The following LTF variants were observed in gnomAD, a reference collection of about 807,000 sequenced individuals.
The protein encoded by LTF is epididymis luminal protein 110.
LTF carries 91 observed loss-of-function variants against 87.2 expected under a neutral mutation model. The ratio of observed to expected loss-of-function variants is 1.04; its 90% CI spans 0.88 to 1.24. The LOEUF (loss-of-function observed/expected upper bound fraction) is 1.24, where lower values mean the gene tolerates loss of function less well. LTF is among the 50% of genes most tolerant of loss of function. The probability of loss-of-function intolerance (pLI) is 0.00; values close to 1 mark genes in which losing one functional copy is unlikely to be tolerated. For synonymous variants in LTF, 378 were observed against 356.1 expected, an observed-to-expected ratio of 1.06 and a Z score of -0.69; for missense variants, 901 against 904.3, an observed-to-expected ratio of 1.00 and a Z score of 0.05.
In LTF at chr3:46,449,849, C is replaced by T. The variant is rs754938325; in HGVS notation, c.1057+5G>A. The T allele has an allele frequency of 4.3e-6, 7 of 1,613,962 alleles. No individual in the cohort carries two copies. The East Asian group carries it at 1.3e-4, about 31-fold the overall frequency. ...GGACCTCAGGACCCTCCTGGGCTCA[C>T]TCACTTTTCCTCAAGTTCTGGATGG... On this transcript the variant is annotated splice_donor_5th_base_variant and intron_variant, in intron 8 of 16. Coordinates refer to ENST00000231751, the MANE Select transcript of LTF (RefSeq NM_002343.6).
intron 3 of LTF, 54 bp from the exon 4 acceptor site, chr3:46,456,032 A>C: frequency 6.8e-7 from 1 of 1,464,676 alleles, no homozygotes; most frequent in Non-Finnish European, 9.1e-7. Context: ...GAGGGACAAA[A>C]ACAACCCATC....
chr3:46,447,264 C>T (rs1182787984), intron 10 of LTF, 44 bp downstream of exon 10: 4 of 1,461,250 alleles, frequency 2.7e-6, no homozygotes, highest in Non-Finnish European at 1.9e-6. Flanking sequence ...GCCCCACTCC[C>T]ATGACCCAGA....
intron 1 of LTF, among the ~76,000 whole-genome samples, chr3:46,473,687 G>A (rs1205381497): frequency 3.3e-5 from 5 of 151,974 alleles, no homozygotes; most frequent in African/African-American, 4.8e-5. Flanking sequence ...TGTGGCTCTC[G>A]TTACATCTCC....
At chr3:46,461,277 G>A (rs545394101) in intron 1 of LTF, among the ~76,000 whole-genome samples, 1 of 152,306 alleles carries the variant, frequency 6.6e-6, no homozygotes, top group South Asian at 2.1e-4. Context: ...AGTTCCAATA[G>A]GACCCAACAA....
chr3:46,484,514 C>T (rs1703491315), intron 1 of LTF, among the ~76,000 whole-genome samples: 1 of 152,182 alleles, frequency 6.6e-6, no homozygotes, highest in East Asian at 1.9e-4. Context: ...AACACCCCTA[C>T]CCTTGCTCCC....
At chr3:46,482,854 GAC>G (rs1222387041) in intron 1 of LTF, among the ~76,000 whole-genome samples, 1 of 151,632 alleles carries the variant, frequency 6.6e-6, no homozygotes, top group Non-Finnish European at 1.5e-5. Context: ...AGGGACAAGA[GAC>G]AGACAGAGAG....
intron 11 of LTF, 120 bp from the exon 12 acceptor site, chr3:46,445,556 T>G (rs1702633282): frequency 3.8e-6 from 3 of 793,100 alleles, no homozygotes; most frequent in Non-Finnish European, 2.0e-6. Flanking sequence ...CAGGCAATGA[T>G]TCCCTCAAAG....
At chr3:46,463,747 CA>C in intron 1 of LTF, 1 of 602,206 alleles carries the variant, frequency 1.7e-6, no homozygotes, top group Non-Finnish European at 2.1e-6. Flanking sequence ...TAACCCTGTG[CA>C]ACAGGCCACT....
rs761481600 is a variant in LTF, at chr3:46,439,498, G to T, written c.1724-18C>A. The T allele has an allele frequency of 6.3e-7, 1 of 1,589,072 alleles. No individual in the cohort carries two copies. Among genetic ancestry groups the T allele is most frequent in the Non-Finnish European group, 8.6e-7 (1 of 1,165,468 alleles). ...GTTATTTCCTGGGGAGAAAAAGAAG[G>T]TGGCATCATCCACGCCTCCCCTGCT... On this transcript the variant is annotated intron_variant, in intron 14 of 16. Coordinates refer to ENST00000231751, the MANE Select transcript of LTF (RefSeq NM_002343.6).
In LTF at chr3:46,459,583, G is replaced by A. The variant is rs546557837; in HGVS notation, c.207+73C>T. 25 of 1,321,484 alleles carry A rather than the reference G, an allele frequency of 1.9e-5. No individual in the cohort carries two copies. In the Admixed American group the frequency reaches 2.1e-4, roughly 11 times the overall value. 81.9% of individuals were successfully genotyped at this position (1,321,484 alleles called of 1,614,324 possible). ...GAAGCAGAGGAAGTAAGGAGAGCTC[G>A]TGTTCTATCTTTTTCCATTTCTCTC... On this transcript the variant is annotated intron_variant, in intron 2 of 16. Coordinates refer to ENST00000231751, the MANE Select transcript of LTF (RefSeq NM_002343.6).
chr3:46,478,117 CTT>C, intron 1 of LTF, among the ~76,000 whole-genome samples: 1 of 152,260 alleles, frequency 6.6e-6, no homozygotes, highest in East Asian at 1.9e-4. Context: ...CTTTGTAACT[CTT>C]TCACTCCTCT....
At position 46,445,428 on chromosome 3, in the gene LTF, C is replaced by A; in HGVS notation, c.1366G>T (p.Ala456Ser). The change falls in exon 12 of 17, where the codon GCT (alanine) becomes TCT (serine). Residue 456 changes from alanine (A) to serine (S), a missense_variant. Physicochemically the swap from Ala to Ser is moderately conservative, Grantham distance 99 (BLOSUM62 1). Coordinates refer to ENST00000231751, the MANE Select transcript of LTF (RefSeq NM_002343.6). ...TCTGATCTCCTAACCACCGCCACAG[C>A]AAGATATCCTGGCATAACAGATGAC... ...CVDRPVEGYL[A>S]VAVVRRSDTS... is the part of the protein sequence containing the mutation. 1.2e-6 allele frequency: 2 copies of A among 1,611,466 alleles called. No individual in the cohort carries two copies. Among genetic ancestry groups the A allele is most frequent in the Non-Finnish European group, 1.7e-6 (2 of 1,178,946 alleles).
intron 16 of LTF, among the ~76,000 whole-genome samples, chr3:46,436,663 A>C (rs1702393805): frequency 6.6e-6 from 1 of 152,230 alleles, no homozygotes; most frequent in Non-Finnish European, 1.5e-5. Context: ...GGGACACAGC[A>C]TGGATAGACT....
Position 46,482,706 on chromosome 3 carries a change from A to AGG in LTF, c.-320+2279_-320+2280insCC, listed in dbSNP as rs1559614942. 7.7e-3 allele frequency among the ~76,000 whole-genome samples: 900 copies of AGG among 117,586 alleles called. 56 individuals carry two copies. Among genetic ancestry groups the AGG allele is most frequent in the East Asian group, 0.048 (153 of 3,204 alleles). The allele number at this position is 117,586 out of a possible 152,430, so 77.1% of individuals were successfully genotyped here. A position where few individuals can be genotyped will look rare whatever the true frequency, so the allele number is the denominator to read the frequency against. ...AAGGAAGGAAGGAAGGAAGGAAGGA[A>AGG]AGAAAGAAAGAGAAAGAAAGGAAGG... On this transcript the variant is annotated intron_variant, in intron 1 of 19. Transcript: ENST00000443496.
intron 16 of LTF, 24 bp downstream of exon 16, chr3:46,437,916 G>T: frequency 6.2e-7 from 1 of 1,603,304 alleles, no homozygotes; most frequent in South Asian, 1.1e-5. Context: ...GGTTTCTCGG[G>T]GATGCTAGCT....
intron 1 of LTF, among the ~76,000 whole-genome samples, chr3:46,474,446 G>T (rs567052298): frequency 8.5e-5 from 13 of 152,274 alleles, no homozygotes; most frequent in Admixed American, 4.6e-4. Context: ...AAGCAGAGCT[G>T]CAAAATACAT....
At chr3:46,438,799 C>T (rs1036738923) in intron 15 of LTF, among the ~76,000 whole-genome samples, 2 of 152,082 alleles carry the variant, frequency 1.3e-5, no homozygotes, top group Admixed American at 6.5e-5. Context: ...TAATAAAATC[C>T]CAGATTTTAA....
At chr3:46,453,599 T>A (rs1191260580) in intron 6 of LTF, among the ~76,000 whole-genome samples, 1 of 152,210 alleles carries the variant, frequency 6.6e-6, no homozygotes, top group East Asian at 1.9e-4. Context: ...CTAGTGGCCC[T>A]GGGTGGAATA....
chr3:46,449,355 C>T (rs1702740192), intron 8 of LTF, among the ~76,000 whole-genome samples: 1 of 152,156 alleles, frequency 6.6e-6, no homozygotes, highest in African/African-American at 2.4e-5. Flanking sequence ...CAAGAGATGG[C>T]CTAGGGGACC....
Sources: gnomAD v4.1 joint callset for allele counts (sites outside exome capture counted in the v4.1 genomes callset) on GRCh38, gnomAD v4.1.1 for gene constraint, MANE v1.5 for transcripts, NCBI Gene and HGNC (gene_info 2026-07-23, HGNC 2026-07-21) for gene names.